Variants in SLC15A3 observed in about 807,000 individuals in gnomAD.
The protein encoded by SLC15A3 is solute carrier family 15 member 3.
In SLC15A3, 39 loss-of-function variants were observed where a neutral mutation model predicts 49.2. The ratio of observed to expected loss-of-function variants is 0.79; its 90% CI spans 0.61 to 1.04. The LOEUF (loss-of-function observed/expected upper bound fraction) is 1.04. SLC15A3 is among the 50% of genes least tolerant of loss of function. The probability of loss-of-function intolerance (pLI) is 0.00; values close to 1 mark genes in which losing one functional copy is unlikely to be tolerated. For synonymous variants in SLC15A3, 339 were observed against 367.0 expected (o/e 0.92, Z 0.87); for missense variants, 758 against 794.8 (o/e 0.95, Z 0.56).
rs879386490 is a variant in SLC15A3, at chr11:60,949,549, AAAG to A, written c.558+1442_558+1444del. ...GAAAGAAAGAAAGAAAGAAAGAAAGAAAGAAAGAAAGAAAGAAAGAAAAGAGAT... is the reference window on the plus strand; with the variant it reads ...GAAAGAAAGAAAGAAAGAAAGAAAGAAAAGAAAGAAAGAAAGAAAAGAGAT... On this transcript the variant is annotated intron_variant, in intron 1 of 7. Coordinates refer to ENST00000227880, the MANE Select transcript of SLC15A3 (RefSeq NM_016582.3). 3.5e-3 allele frequency among the ~76,000 whole-genome samples: 270 copies of A among 78,206 alleles called. 2 individuals are homozygous for A. Among genetic ancestry groups the A allele is most frequent in the South Asian group, 9.9e-3 (14 of 1,408 alleles). The allele number at this position is 78,206 out of a possible 152,430, so 51.3% of individuals were successfully genotyped here. A position where few individuals can be genotyped will look rare whatever the true frequency, so the allele number is the denominator to read the frequency against.
rs927398495 is a variant in SLC15A3 at position 60,951,454 on chromosome 11, G to GCCCGCCGCCACCGTCGAGGGC, written c.77_97dup (p.Gly26_Arg32dup). ...CACCAGCAGCACGGCCGCGCCCGCCGCCCGCCGCCACCGTCGAGGGCCCCG... is the reference window on the plus strand; with the variant it reads ...CACCAGCAGCACGGCCGCGCCCGCCGCCCGCCGCCACCGTCGAGGGCCCCGCCGCCACCGTCGAGGGCCCCG... On this transcript the variant is annotated inframe_insertion, in exon 1 of 8. Transcript: ENST00000227880. 7.0e-7 allele frequency: 1 copy of GCCCGCCGCCACCGTCGAGGGC among 1,429,896 alleles called. No individual in the cohort carries two copies. The highest frequency in any genetic ancestry group is 1.5e-5 in the African/African-American group (1 of 66,838). 88.6% of individuals were successfully genotyped at this position (1,429,896 alleles called of 1,614,324 possible). A position where few individuals can be genotyped will look rare whatever the true frequency, so the allele number is the denominator to read the frequency against.
intron 1 of SLC15A3, among the ~76,000 whole-genome samples, chr11:60,949,940 T>C (rs1590645281): frequency 6.6e-6 from 1 of 152,266 alleles, no homozygotes; most frequent in Non-Finnish European, 1.5e-5. Flanking sequence ...ATTTTAATAA[T>C]ATTACATTTT....
At chr11:60,941,941 A>G in intron 4 of SLC15A3, 94 bp downstream of exon 4, 1 of 1,228,612 alleles carries the variant, frequency 8.1e-7, no homozygotes. Context: ...GCAGGCAGGA[A>G]AGGGGAGTGT....
chr11:60,949,564 G>GAAAGAAAGAAAAGA (rs1554986438), intron 1 of SLC15A3, among the ~76,000 whole-genome samples: 5,622 of 117,754 alleles, frequency 0.048, 556 homozygotes, highest in Middle Eastern at 0.076. Flanking sequence ...AAGAAAGAAA[G>GAAAGAAAGAAAAGA]AAAGAAAAGA....
Position 60,942,527 on chromosome 11 carries a change from G to C in SLC15A3, c.997-382C>G. Reference sequence around the variant, plus strand: ...CACTGAAGCCAAGCTGAGTCCACAGGTTGACACAAGCACTGCATAGACATG... The same window carrying C: ...CACTGAAGCCAAGCTGAGTCCACAGCTTGACACAAGCACTGCATAGACATG... On this transcript the variant is annotated intron_variant, in intron 3 of 7. Transcript: ENST00000227880. The C allele has an allele frequency of 1.4e-5, 3 of 218,798 alleles. No homozygotes were observed. The South Asian group carries it at 2.0e-4, about 15-fold the overall frequency. The allele number at this position is 218,798 out of a possible 1,614,324, so 13.6% of individuals were successfully genotyped here.
intron 1 of SLC15A3, among the ~76,000 whole-genome samples, 192 bp from the exon 2 acceptor site, chr11:60,947,013 G>A (rs1590642272): frequency 6.6e-6 from 1 of 152,160 alleles, no homozygotes. Flanking sequence ...CTTCTCTTGG[G>A]AGTCACTTGC....
intron 2 of SLC15A3, among the ~76,000 whole-genome samples, chr11:60,944,146 C>T (rs1163815368): frequency 6.6e-6 from 1 of 152,144 alleles, no homozygotes; most frequent in East Asian, 1.9e-4. Flanking sequence ...GCAACAGAGC[C>T]AGACTCCCTC....
intron 1 of SLC15A3, among the ~76,000 whole-genome samples, chr11:60,947,438 C>T (rs1468573077): frequency 1.3e-5 from 2 of 152,216 alleles, no homozygotes; most frequent in African/African-American, 2.4e-5. Context: ...CTCGGCCTCC[C>T]AAAGTTCTGG....
chr11:60,943,834 T>C lies in SLC15A3; in HGVS notation c.851A>G (p.Asp284Gly), dbSNP rs764542715. Reference protein sequence around the residue: ...PQLWQRHSARDRQCARVLADE... With the variant: ...PQLWQRHSARGRQCARVLADE... ...GGCCAGCACGCGGGCACATTGACGG[T>C]CTCTGTGAGACCCCAGAGGCAGCAG... The change falls in exon 3 of 8, where the codon GAC (aspartate) becomes GGC (glycine). Residue 284 changes from aspartate (D) to glycine (G), a missense_variant and splice_region_variant. Coordinates refer to ENST00000227880, the MANE Select transcript of SLC15A3 (RefSeq NM_016582.3). The C allele has an allele frequency of 3.2e-6, 5 of 1,573,804 alleles. No individual in the cohort carries two copies. In the African/African-American group the frequency reaches 5.4e-5, roughly 17 times the overall value.
At chr11:60,937,830 CTCCA>C in intron 7 of SLC15A3, 36 bp downstream of exon 7, 1 of 1,597,286 alleles carries the variant, frequency 6.3e-7, no homozygotes, top group Non-Finnish European at 8.5e-7. Flanking sequence ...CCAAGCCTCC[CTCCA>C]TCCATGTCCC....
At position 60,939,450 on chromosome 11, in the gene SLC15A3, T is replaced by C. The variant is rs780958154; in HGVS notation, c.1435+30A>G. The C allele has an allele frequency of 9.3e-6, 15 of 1,610,978 alleles. No homozygotes were observed. In the African/African-American group the frequency reaches 1.7e-4, roughly 19 times the overall value. ...GCCACCGGGCAGAGCCCATCACTGG[T>C]GCAGGAGCAGGGGAGGGGATCCAGG... On this transcript the variant is annotated intron_variant, in intron 6 of 7. Transcript: ENST00000227880.
chr11:60,951,254 G>C lies in SLC15A3; in HGVS notation c.298C>G (p.Arg100Gly), dbSNP rs1182254783. Residue 100 changes from arginine to glycine, a missense_variant, in exon 1 of 8, where the codon CGC becomes GGC. Around this residue, in one of 3 missense-constraint regions of SLC15A3, gnomAD observed 699 missense variants for 706.7 expected, o/e 0.99. Transcript: ENST00000227880. ...AGGCTGAGCGCGACCGCGCGGTAGC[G>C]GCCCAGGTACACGTCGGCCAGCCAG... ...GGWLADVYLG[R>G]YRAVALSLLL... The C allele has an allele frequency of 6.6e-7, 1 of 1,515,534 alleles. No individual in the cohort carries two copies. The highest frequency in any genetic ancestry group is 8.8e-7 in the Non-Finnish European group (1 of 1,134,970). The allele number at this position is 1,515,534 out of a possible 1,614,324, so 93.9% of individuals were successfully genotyped here.
intron 1 of SLC15A3, among the ~76,000 whole-genome samples, chr11:60,949,548 G>GAAAGAAAGAAAGAAAGAAAGAAAGAA (rs1856872202): frequency 8.9e-5 from 7 of 78,400 alleles, no homozygotes; most frequent in Admixed American, 1.7e-4. Flanking sequence ...AAGAAAGAAA[G>GAAAGAAAGAAAGAAAGAAAGAAAGAA]AAAGAAAGAA....
rs761173160 is a variant in SLC15A3 at position 60,943,788 on chromosome 11, T to C, written c.897A>G (p.Pro299=). The C allele has an allele frequency of 3.7e-6, 6 of 1,602,746 alleles. No homozygotes were observed. The South Asian group carries it at 5.6e-5, about 15-fold the overall frequency. The change falls in exon 3 of 8, where the codon CCA becomes CCG. Residue 299 remains proline, a synonymous_variant. Coordinates refer to ENST00000227880, the MANE Select transcript of SLC15A3 (RefSeq NM_016582.3). ...RVLADERSPQ[P]GASPQEDIAN... ...CGATGTCCTCTTGCGGGGAAGCCCCTGGCTGGGGAGACCTCTCGTCGGCCA... is the reference window on the plus strand; with the variant it reads ...CGATGTCCTCTTGCGGGGAAGCCCCCGGCTGGGGAGACCTCTCGTCGGCCA...
intron 2 of SLC15A3, among the ~76,000 whole-genome samples, chr11:60,946,036 A>T (rs1255724938): frequency 6.6e-6 from 1 of 151,758 alleles, no homozygotes; most frequent in Non-Finnish European, 1.5e-5. Flanking sequence ...TCTGTCACCC[A>T]GGCTGGAGTG....
chr11:60,950,935 C>G, intron 1 of SLC15A3, 59 bp downstream of exon 1: 1 of 1,378,900 alleles, frequency 7.3e-7, no homozygotes, highest in Non-Finnish European at 9.3e-7. Flanking sequence ...CGCTGGGGGC[C>G]AGCCCTCCTT....
intron 1 of SLC15A3, among the ~76,000 whole-genome samples, chr11:60,949,564 G>GAAAGAAAGAAAGAA (rs1554986438): frequency 8.5e-6 from 1 of 117,912 alleles, no homozygotes; most frequent in African/African-American, 3.0e-5. Context: ...AAGAAAGAAA[G>GAAAGAAAGAAAGAA]AAAGAAAAGA....
chr11:60,949,662 A>G (rs1856879644), intron 1 of SLC15A3, among the ~76,000 whole-genome samples: 1 of 152,246 alleles, frequency 6.6e-6, no homozygotes, highest in African/African-American at 2.4e-5. Flanking sequence ...AGGACACTGG[A>G]AACTGCTAGG....
rs148030094 is a variant in SLC15A3 at position 60,948,429 on chromosome 11, G to A, written c.559-1608C>T. 2.3e-3 allele frequency among the ~76,000 whole-genome samples: 350 copies of A among 152,352 alleles called. 2 individuals carry two copies. The highest frequency in any genetic ancestry group is 8.2e-3 in the African/African-American group (339 of 41,572). On this transcript the variant is annotated intron_variant, in intron 1 of 7. Transcript: ENST00000227880. ...AGAATGAGCAGATGCTTTGTCGAGAGTGATGGATGGCCCTTTCTGAAATCA... is the reference window on the plus strand; with the variant it reads ...AGAATGAGCAGATGCTTTGTCGAGAATGATGGATGGCCCTTTCTGAAATCA...
Sources: gnomAD v4.1 joint callset for allele counts (sites outside exome capture counted in the v4.1 genomes callset) on GRCh38, gnomAD v4.1.1 for gene constraint, gnomAD v4.1.1 regional missense constraint, MANE v1.5 for transcripts, NCBI Gene and HGNC (gene_info 2026-07-23, HGNC 2026-07-21) for gene names.